Variants in DHRSX observed in about 807,000 individuals in gnomAD.
DHRSX encodes dehydrogenase/reductase X-linked.
DHRSX carries 31 observed loss-of-function variants against 34.0 expected under a neutral mutation model. The ratio of observed to expected loss-of-function variants is 0.91; its 90% CI spans 0.69 to 1.23. The LOEUF is 1.23. Ranked by LOEUF, DHRSX falls within the 50% of genes most tolerant of loss-of-function variation. The pLI is 0.00. For synonymous variants in DHRSX, 201 were observed against 183.8 expected, an observed-to-expected ratio of 1.09 and a Z score of -0.76; for missense variants, 414 against 428.1, an observed-to-expected ratio of 0.97 and a Z score of 0.29.
chrX:2,242,731 C>G (rs73628247), intron 6 of DHRSX, among the ~76,000 whole-genome samples: 4,889 of 152,122 alleles, frequency 0.032, 266 homozygotes, highest in African/African-American at 0.11. Flanking sequence ...AAGTTACCCT[C>G]TACGGTCTAA....
chrX:2,417,374 A>G (rs900648462), intron 2 of DHRSX, among the ~76,000 whole-genome samples: 1 of 152,176 alleles, frequency 6.6e-6, no homozygotes. Context: ...ACACATCATC[A>G]TGATCTAACT....
chrX:2,341,744 C>CCCTGATAAGAAATATTACAAAATGCTT (rs2042643333), intron 3 of DHRSX, among the ~76,000 whole-genome samples: 1 of 146,490 alleles, frequency 6.8e-6, no homozygotes, highest in Non-Finnish European at 1.5e-5. Context: ...ACAAAATGCT[C>CCCTGATAAGAAATATTACAAAATGCTT]CCTGATAAGA....
Position 2,231,954 on chromosome X carries a change from CT to C in DHRSX, c.805-10726del, listed in dbSNP as rs1397111754. On this transcript the variant is annotated intron_variant, in intron 6 of 6. Coordinates refer to ENST00000334651, the MANE Select transcript of DHRSX (RefSeq NM_145177.3). ...TCTCTTCCTCTTCTCTCCTCCTTCT[CT>C]TTTCTTTCTGCCCTTCTTTCCTTTT... 4.9e-5 allele frequency among the ~76,000 whole-genome samples: 3 copies of C among 61,746 alleles called. 1 individual carries two copies. The South Asian group carries it at 2.2e-3, about 45-fold the overall frequency. 40.5% of individuals were successfully genotyped at this position (61,746 alleles called of 152,430 possible).
rs538053946 is a variant in DHRSX, at chrX:2,255,060, G to A, written c.596+11680C>T. Among the ~76,000 whole-genome samples, 3 of 148,926 alleles carry A rather than the reference G, an allele frequency of 2.0e-5. No homozygotes were observed. In the South Asian group the frequency reaches 6.4e-4, roughly 32 times the overall value. ...GCTTGCTGCAACTTCCACCTCCCGG[G>A]TTCAAGTGATTCTCCTGCCTCAGCC... On this transcript the variant is annotated intron_variant, in intron 5 of 6. Transcript: ENST00000334651.
chrX:2,425,896 G>A (rs2043840165), intron 1 of DHRSX, among the ~76,000 whole-genome samples: 1 of 152,166 alleles, frequency 6.6e-6, no homozygotes, highest in African/African-American at 2.4e-5. Context: ...GGAAGGAACA[G>A]GCGAGTAGGC....
intron 1 of DHRSX, among the ~76,000 whole-genome samples, chrX:2,472,498 A>G (rs1450687084): frequency 6.6e-6 from 1 of 152,100 alleles, no homozygotes; most frequent in Non-Finnish European, 1.5e-5. Flanking sequence ...AAAGTAGGCC[A>G]GGAGCAGTGA....
In DHRSX at chrX:2,304,308, GATGA is replaced by G. The variant is rs1439424515; in HGVS notation, c.287-12709_287-12706del. Among the ~76,000 whole-genome samples the G allele has an allele frequency of 2.4e-3, 353 of 148,408 alleles. 4 individuals are homozygous for G. Among genetic ancestry groups the G allele is most frequent in the African/African-American group, 8.3e-3 (330 of 39,664 alleles). The stretch of plus-strand genomic sequence containing the variant: ...GGGTGGGTGGGTGGATGGATGGATG[GATGA>G]ATGGATGGATGGATGGATGGATGAA... On this transcript the variant is annotated intron_variant, in intron 3 of 6. Transcript: ENST00000334651.
At chrX:2,483,434 A>AT (rs1248955577) in intron 1 of DHRSX, among the ~76,000 whole-genome samples, 2 of 151,796 alleles carry the variant, frequency 1.3e-5, no homozygotes, top group Admixed American at 6.6e-5. Context: ...TGCCTGGCTA[A>AT]TTTTTTGTAT....
In DHRSX at chrX:2,489,062, C is replaced by T. The variant is rs763248990; in HGVS notation, c.109+11755G>A. 4.3e-6 allele frequency: 7 copies of T among 1,613,774 alleles called. No homozygotes were observed. The South Asian group carries it at 6.6e-5, about 15-fold the overall frequency. On this transcript the variant is annotated intron_variant, in intron 1 of 6. Transcript: ENST00000334651. ...CTGGTCCTCCACGCCGCCTGTCTGG[C>T]AGAAGATCTCGGCCAGCATGTTGTT...
intron 1 of DHRSX, among the ~76,000 whole-genome samples, chrX:2,432,193 CA>C (rs1008378563): frequency 1.9e-4 from 28 of 147,260 alleles, no homozygotes; most frequent in Admixed American, 1.4e-3. Context: ...GACTCCGTCT[CA>C]AAAAAAAAAT....
intron 4 of DHRSX, among the ~76,000 whole-genome samples, chrX:2,276,777 A>G (rs2041662633): frequency 6.7e-6 from 1 of 148,984 alleles, no homozygotes; most frequent in South Asian, 2.2e-4. Flanking sequence ...AAGAAGGAAG[A>G]GAGAAGGAGA....
At chrX:2,448,560 T>TC (rs2044172027) in intron 1 of DHRSX, among the ~76,000 whole-genome samples, 2 of 150,122 alleles carry the variant, frequency 1.3e-5, no homozygotes, top group African/African-American at 2.5e-5. Flanking sequence ...TTAATTAGCT[T>TC]GATTGTTAAT....
intron 1 of DHRSX, among the ~76,000 whole-genome samples, chrX:2,443,330 G>A (rs112312373): frequency 1.3e-5 from 2 of 151,962 alleles, no homozygotes; most frequent in East Asian, 1.9e-4. Context: ...ACCGTGGCTG[G>A]CCCTCAACCT....
intron 3 of DHRSX, among the ~76,000 whole-genome samples, chrX:2,307,228 A>G (rs1241665130): frequency 6.6e-6 from 1 of 151,256 alleles, no homozygotes; most frequent in Non-Finnish European, 1.5e-5. Flanking sequence ...ATTAAATACC[A>G]CTTGTTCTCA....
chrX:2,483,695 C>G (rs1220271600), intron 1 of DHRSX, among the ~76,000 whole-genome samples: 3 of 148,556 alleles, frequency 2.0e-5, no homozygotes, highest in East Asian at 2.0e-4. Context: ...TAAAGAAACA[C>G]AGAGCCCAGA....
chrX:2,358,726 CTTAG>C (rs1477518024), intron 3 of DHRSX, among the ~76,000 whole-genome samples: 2 of 152,066 alleles, frequency 1.3e-5, no homozygotes, highest in African/African-American at 4.8e-5. Flanking sequence ...CACAATATTC[CTTAG>C]TTAGTAAATG....
chrX:2,493,471 C>CATT (rs762176172), intron 1 of DHRSX, among the ~76,000 whole-genome samples: 25 of 150,692 alleles, frequency 1.7e-4, no homozygotes, highest in South Asian at 1.0e-3. Context: ...TTATTATTAT[C>CATT]ATTATTATTA....
intron 1 of DHRSX, among the ~76,000 whole-genome samples, chrX:2,479,103 C>G (rs1354553671): frequency 6.6e-6 from 1 of 151,946 alleles, no homozygotes. Flanking sequence ...TAAGGGACCA[C>G]AGCCATGTAC....
rs775994771 is a variant in DHRSX at position 2,456,058 on chromosome X, G to A, written c.110-30754C>T. Among the ~76,000 whole-genome samples, 5 of 152,188 alleles carry A rather than the reference G, an allele frequency of 3.3e-5. No individual in the cohort carries two copies. The East Asian group carries it at 7.7e-4, about 23-fold the overall frequency. ...CAAAGCTCCATGGTGCCTAGCTTTA[G>A]CCAGTTTGTTCACAGCCGTGATTAA... On this transcript the variant is annotated intron_variant, in intron 1 of 6. Coordinates refer to ENST00000334651, the MANE Select transcript of DHRSX (RefSeq NM_145177.3).
Sources: gnomAD v4.1 joint callset for allele counts (sites outside exome capture counted in the v4.1 genomes callset) on GRCh38, gnomAD v4.1.1 for gene constraint, MANE v1.5 for transcripts, NCBI Gene and HGNC (gene_info 2026-07-23, HGNC 2026-07-21) for gene names.